The following CFAP69 variants were observed in gnomAD, a reference collection of about 807,000 sequenced individuals.
CFAP69 encodes cilia and flagella associated protein 69, also known as cilia- and flagella-associated protein 69.
CFAP69 carries 92 observed loss-of-function variants against 123.0 expected under a neutral mutation model. The ratio of observed to expected loss-of-function variants is 0.75; its 90% CI spans 0.63 to 0.89. The LOEUF is 0.89. Ranked by LOEUF, CFAP69 falls within the 40% of genes least tolerant of loss-of-function variation. The pLI is 0.00. For missense variants in CFAP69, 1,067 were observed against 1,096.9 expected (o/e 0.97, Z 0.39); for synonymous variants, 380 against 364.3 (o/e 1.04, Z -0.49).
chr7:90,279,835 C>T lies in CFAP69; in HGVS notation c.1314C>T (p.Tyr438=), dbSNP rs200733495. 1 of 1,612,196 alleles carries T rather than the reference C, an allele frequency of 6.2e-7. No homozygotes were observed. The highest frequency in any genetic ancestry group is 8.5e-7 in the Non-Finnish European group (1 of 1,179,540). ...SSVAPLLIEE[Y]MSCQGNARVL... The stretch of plus-strand genomic sequence containing the variant: ...TGGCTCCTTTATTAATAGAAGAATA[C>T]ATGTCATGCCAGGGAAATGCTCGAG... The change falls in exon 12 of 23, where the codon TAC becomes TAT. Residue 438 remains tyrosine (Y), a synonymous_variant. Transcript: ENST00000389297.
rs1562869935 is a variant in CFAP69 at position 90,271,971 on chromosome 7, G to GTAAGC, written c.860+13_860+14insTAAGC. On this transcript the variant is annotated intron_variant, in intron 8 of 22. Transcript: ENST00000389297. ...TGGAATGTTTGCTGTAAGCGTATGT[G>GTAAGC]GTTAGATAGGAATGTTCTTTTAATC... 6.3e-7 allele frequency: 1 copy of GTAAGC among 1,596,028 alleles called. No homozygotes were observed. Among genetic ancestry groups the GTAAGC allele is most frequent in the East Asian group, 2.2e-5 (1 of 44,628 alleles).
At chr7:90,268,683 A>G (rs1054549278) in intron 6 of CFAP69, among the ~76,000 whole-genome samples, 1 of 152,158 alleles carries the variant, frequency 6.6e-6, no homozygotes, top group Non-Finnish European at 1.5e-5. Flanking sequence ...CATTGATAAA[A>G]TTATTTTTTA....
At chr7:90,290,130 G>A (rs140096909) in intron 15 of CFAP69, among the ~76,000 whole-genome samples, 2 of 152,218 alleles carry the variant, frequency 1.3e-5, no homozygotes, top group African/African-American at 4.8e-5. Flanking sequence ...ATTCCCTAGA[G>A]AGACAGAACC....
intron 16 of CFAP69, among the ~76,000 whole-genome samples, chr7:90,298,044 G>A (rs575862936): frequency 1.3e-5 from 2 of 152,276 alleles, no homozygotes; most frequent in African/African-American, 2.4e-5. Flanking sequence ...CATTTTACCA[G>A]TGTTTTTTCA....
At chr7:90,303,526 A>G in intron 17 of CFAP69, 2 of 942,836 alleles carry the variant, frequency 2.1e-6, no homozygotes, top group Non-Finnish European at 2.5e-6. Flanking sequence ...TCCCCTTCTG[A>G]TGACTTGTAT....
intron 15 of CFAP69, among the ~76,000 whole-genome samples, chr7:90,288,845 T>G (rs1454420542): frequency 1.3e-5 from 2 of 151,806 alleles, no homozygotes; most frequent in Non-Finnish European, 2.9e-5. Flanking sequence ...TTTTAAAATA[T>G]TTTTCTTTTC....
chr7:90,315,095 C>CA (rs1379652186), downstream of CFAP69, among the ~76,000 whole-genome samples: 3 of 147,112 alleles, frequency 2.0e-5, no homozygotes, highest in African/African-American at 5.0e-5. Context: ...ATTAAAAAGT[C>CA]AAAAAACAAC....
intron 15 of CFAP69, among the ~76,000 whole-genome samples, chr7:90,291,565 G>A (rs1233721722): frequency 6.6e-6 from 1 of 152,140 alleles, no homozygotes; most frequent in African/African-American, 2.4e-5. Flanking sequence ...TATTCAAGAT[G>A]GAGTTGCTCT....
At chr7:90,288,641 A>G (rs57958524) in intron 15 of CFAP69, among the ~76,000 whole-genome samples, 1,799 of 152,228 alleles carry the variant, frequency 0.012, 20 homozygotes, top group African/African-American at 0.041. Flanking sequence ...TAAAAAAGGT[A>G]CAGTAAGACT....
chr7:90,283,179 T>C, intron 13 of CFAP69, 123 bp downstream of exon 13: 1 of 727,504 alleles, frequency 1.4e-6, no homozygotes, highest in Non-Finnish European at 2.0e-6. Context: ...GAATATTTTC[T>C]TGATTTTTGT....
chr7:90,250,208 G>C (rs1346996392), intron 1 of CFAP69, among the ~76,000 whole-genome samples: 5 of 150,586 alleles, frequency 3.3e-5, no homozygotes, highest in Non-Finnish European at 7.4e-5. Context: ...GAGAGAGAGA[G>C]AGAGAGAGAG....
intron 19 of CFAP69, among the ~76,000 whole-genome samples, chr7:90,305,732 CTT>C (rs34335301): frequency 0.5 from 76,051 of 150,944 alleles, 20,012 homozygotes; most frequent in Non-Finnish European, 0.59. Context: ...ATTATTAATA[CTT>C]ATTAAAGTAT....
chr7:90,258,185 A>G (rs769544614), intron 3 of CFAP69, 22 bp downstream of exon 3: 20 of 1,460,282 alleles, frequency 1.4e-5, no homozygotes, highest in Middle Eastern at 2.0e-4. Flanking sequence ...ATATATATGT[A>G]TGTTCATTTC....
At chr7:90,314,406 T>G (rs1794587894), downstream of CFAP69, among the ~76,000 whole-genome samples, 1 of 152,128 alleles carries the variant, frequency 6.6e-6, no homozygotes, top group Non-Finnish European at 1.5e-5. Flanking sequence ...GCAGATCACT[T>G]GGGTCCAGGA....
chr7:90,295,506 G>A (rs1791815058), intron 15 of CFAP69, among the ~76,000 whole-genome samples: 1 of 152,050 alleles, frequency 6.6e-6, no homozygotes, highest in South Asian at 2.1e-4. Flanking sequence ...GTCCCTTCGG[G>A]GCTTGCCAGA....
intron 1 of CFAP69, 88 bp downstream of exon 1, chr7:90,245,632 G>A: frequency 1.4e-6 from 2 of 1,408,768 alleles, no homozygotes; most frequent in South Asian, 1.7e-5. Context: ...GGCAAGGGTG[G>A]AACTGGGGAC....
intron 16 of CFAP69, 134 bp downstream of exon 16, chr7:90,297,964 C>T (rs1792244352): frequency 5.3e-6 from 3 of 570,898 alleles, no homozygotes; most frequent in African/African-American, 2.0e-5. Context: ...CGGTCTTAAA[C>T]AAAATTGCTC....
intron 13 of CFAP69, among the ~76,000 whole-genome samples, chr7:90,284,302 G>A (rs1451966651): frequency 6.6e-6 from 1 of 152,142 alleles, no homozygotes; most frequent in Non-Finnish European, 1.5e-5. Flanking sequence ...GATTTTAAAT[G>A]TAAATGTTTA....
At chr7:90,321,959 G>A in the CFAP69 span, among the ~76,000 whole-genome samples, 1 of 152,172 alleles carries the variant, frequency 6.6e-6, no homozygotes, top group Non-Finnish European at 1.5e-5. Context: ...TGGGGCTAGG[G>A]AAATCAAAGC....
Sources: gnomAD v4.1 joint callset for allele counts (sites outside exome capture counted in the v4.1 genomes callset) on GRCh38, gnomAD v4.1.1 for gene constraint, MANE v1.5 for transcripts, NCBI Gene and HGNC (gene_info 2026-07-23, HGNC 2026-07-21) for gene names.